DAAM1: variants seen among roughly 807,000 people sequenced by gnomAD.
DAAM1 encodes dishevelled associated activator of morphogenesis 1.
DAAM1 carries 52 observed loss-of-function variants against 130.0 expected under a neutral mutation model. The observed-to-expected ratio is 0.40, with a 90% CI of 0.32 to 0.50. The LOEUF (loss-of-function observed/expected upper bound fraction) is 0.50, where lower values mean the gene tolerates loss of function less well. Among genes scored for constraint, DAAM1 ranks in the 20% least tolerant of loss-of-function variants. DAAM1 has a pLI of 0.61. For missense variants in DAAM1, 1,134 were observed against 1,303.8 expected (o/e 0.87, Z 2.01); for synonymous variants, 452 against 444.5 (o/e 1.02, Z -0.21).
intron 1 of DAAM1, among the ~76,000 whole-genome samples, chr14:59,247,488 C>CGTAACAATA: frequency 6.6e-6 from 1 of 152,220 alleles, no homozygotes; most frequent in Middle Eastern, 3.4e-3. Flanking sequence ...GTGTTGTCAT[C>CGTAACAATA]GTAACAATAT....
intron 2 of DAAM1, among the ~76,000 whole-genome samples, chr14:59,281,834 T>C (rs370485320): frequency 5.3e-5 from 8 of 152,272 alleles, no homozygotes; most frequent in African/African-American, 1.9e-4. Flanking sequence ...TTCAGCCATA[T>C]TATGAAATCA....
chr14:59,354,115 C>T (rs1334864371), intron 19 of DAAM1, 151 bp downstream of exon 19: 11 of 711,894 alleles, frequency 1.5e-5, no homozygotes, highest in Admixed American at 5.5e-5. Context: ...GGCTGGAGTG[C>T]AGTAGCGCGA....
intron 1 of DAAM1, among the ~76,000 whole-genome samples, chr14:59,247,153 C>T (rs61986028): frequency 0.065 from 9,962 of 152,138 alleles, 402 homozygotes; most frequent in Non-Finnish European, 0.094. Context: ...AGACCCCTTT[C>T]GCCATTAAAT....
At chr14:59,363,611 T>C (rs1393150825) in intron 22 of DAAM1, 40 bp from the exon 23 acceptor site, 5 of 1,612,974 alleles carry the variant, frequency 3.1e-6, no homozygotes, top group African/African-American at 2.7e-5. Flanking sequence ...ATGTCTGTAT[T>C]TGAAGCCTGC....
At chr14:59,347,750 AG>A (rs1886138530) in intron 17 of DAAM1, 127 bp downstream of exon 17, 2 of 833,078 alleles carry the variant, frequency 2.4e-6, no homozygotes, top group Non-Finnish European at 3.9e-6. Context: ...GGCTGAACCA[AG>A]TTCCCATGTG....
At position 59,370,834 on chromosome 14, in the gene DAAM1, C is replaced by G. The variant is rs1887139830; in HGVS notation, c.*1975C>G. 6.6e-6 allele frequency: 1 copy of G among 152,070 alleles called. No individual in the cohort carries two copies. Among genetic ancestry groups the G allele is most frequent in the Admixed American group, 6.6e-5 (1 of 15,260 alleles). The allele number at this position is 152,070 out of a possible 1,614,324, so 9.4% of individuals were successfully genotyped here. A position where few individuals can be genotyped will look rare whatever the true frequency, so the allele number is the denominator to read the frequency against. On this transcript the variant is annotated 3_prime_UTR_variant, in exon 25 of 25. Coordinates refer to ENST00000360909, the MANE Select transcript of DAAM1 (RefSeq NM_001270520.2). ...TAACTAAAGTGCCTCTATGTATATT[C>G]TTTTCTATTTGTAGCAGGATAAATT...
chr14:59,265,510 A>G (rs1229044880), intron 2 of DAAM1: 1 of 152,222 alleles, frequency 6.6e-6, no homozygotes, highest in Admixed American at 6.5e-5. Flanking sequence ...CAAAAGAATA[A>G]TCACAAATTA....
Position 59,331,918 on chromosome 14 carries a change from C to T in DAAM1, c.1966C>T (p.Gln656Ter), listed in dbSNP as rs1416510293. ...ERTFSAYQRQ[Q>*]KEADAIDDTL... ...AACCTTCTCTGCCTATCAAAGACAG[C>T]AGGTAACAGCATATGCCCTCCAGAC... is the stretch of plus-strand genomic sequence containing the variant. Residue 656 changes from glutamine (Q) to a stop codon, truncating the protein, a stop_gained and splice_region_variant, in exon 15 of 25, where the codon CAG (glutamine) becomes TAG (stop). Coordinates refer to ENST00000360909, the MANE Select transcript of DAAM1 (RefSeq NM_001270520.2). LOFTEE classifies it high-confidence loss of function. The T allele has an allele frequency of 1.2e-6, 2 of 1,612,774 alleles. No homozygotes were observed. The highest frequency in any genetic ancestry group is 8.5e-7 in the Non-Finnish European group (1 of 1,179,166).
At chr14:59,291,167 C>T (rs191414502) in intron 2 of DAAM1, 50 bp from the exon 3 acceptor site, 55 of 1,446,432 alleles carry the variant, frequency 3.8e-5, no homozygotes, top group Admixed American at 2.2e-4. Flanking sequence ...ACGTTCTCTA[C>T]AGGAATAATG....
At chr14:59,326,177 C>A in intron 10 of DAAM1, 100 bp downstream of exon 10, 1 of 1,124,808 alleles carries the variant, frequency 8.9e-7, no homozygotes. Flanking sequence ...GGGTGCACAC[C>A]AGGGATTCCA....
At chr14:59,222,051 A>T (rs1232668283) in intron 1 of DAAM1, among the ~76,000 whole-genome samples, 1 of 152,196 alleles carries the variant, frequency 6.6e-6, no homozygotes, top group African/African-American at 2.4e-5. Context: ...CCTTGCTCCA[A>T]GCCCTGCAAG....
At chr14:59,206,168 A>T (rs1157712527) in intron 1 of DAAM1, among the ~76,000 whole-genome samples, 3 of 152,098 alleles carry the variant, frequency 2.0e-5, no homozygotes, top group Non-Finnish European at 4.4e-5. Context: ...AAAGTGTTCT[A>T]AACTATGTGC....
At chr14:59,366,974 C>A (rs1036649786) in intron 23 of DAAM1, among the ~76,000 whole-genome samples, 1 of 150,928 alleles carries the variant, frequency 6.6e-6, no homozygotes, top group Admixed American at 6.6e-5. Context: ...CATGTAAGAC[C>A]CCATCTCTTA....
chr14:59,371,288 T>C lies in DAAM1; in HGVS notation c.*2429T>C, dbSNP rs1423451123. The C allele has an allele frequency of 2.0e-5, 3 of 152,078 alleles. No individual in the cohort carries two copies. The highest frequency in any genetic ancestry group is 2.9e-5 in the Non-Finnish European group (2 of 68,006). 9.4% of individuals were successfully genotyped at this position (152,078 alleles called of 1,614,324 possible). ...CTTAGTAGTTGGAACCACTTAGTCT[T>C]TAGGTGCAAGACTGTTGTTAGATAG... On this transcript the variant is annotated 3_prime_UTR_variant, in exon 25 of 25. Coordinates refer to ENST00000360909, the MANE Select transcript of DAAM1 (RefSeq NM_001270520.2).
At position 59,370,386 on chromosome 14, in the gene DAAM1, G is replaced by C. The variant is rs1483572387; in HGVS notation, c.*1527G>C. On this transcript the variant is annotated 3_prime_UTR_variant, in exon 25 of 25. Transcript: ENST00000360909. Reference sequence around the variant, plus strand: ...TAGGGCTACAATGGTAAGCAAGACAGAGTCCCTGCCCCCAAAGAGCTTATA... The same window carrying C: ...TAGGGCTACAATGGTAAGCAAGACACAGTCCCTGCCCCCAAAGAGCTTATA... 6.6e-6 allele frequency: 1 copy of C among 152,002 alleles called. No homozygotes were observed. Among genetic ancestry groups the C allele is most frequent in the African/African-American group, 2.4e-5 (1 of 41,400 alleles). The allele number at this position is 152,002 out of a possible 1,614,324, so 9.4% of individuals were successfully genotyped here.
chr14:59,313,365 A>C (rs547577836), intron 3 of DAAM1, among the ~76,000 whole-genome samples: 1 of 152,264 alleles, frequency 6.6e-6, no homozygotes, highest in African/African-American at 2.4e-5. Context: ...AGGCATGTGA[A>C]ATGAAAATGA....
At chr14:59,362,361 G>T (rs1273306877) in intron 22 of DAAM1, 4 of 152,040 alleles carry the variant, frequency 2.6e-5, no homozygotes, top group Admixed American at 6.5e-5. Context: ...GCAGAGCTTC[G>T]CCTGGCCAAA....
intron 1 of DAAM1, among the ~76,000 whole-genome samples, chr14:59,197,025 A>G (rs950987171): frequency 1.1e-4 from 17 of 151,916 alleles, no homozygotes; most frequent in Non-Finnish European, 2.2e-4. Flanking sequence ...GGTTCCCGCC[A>G]TTCTCCTGCC....
intron 16 of DAAM1, among the ~76,000 whole-genome samples, chr14:59,340,788 C>T (rs1198633183): frequency 6.6e-6 from 1 of 152,152 alleles, no homozygotes; most frequent in Non-Finnish European, 1.5e-5. Context: ...ATTGCAACTT[C>T]GGGCAATGTT....
Sources: allele counts gnomAD v4.1 joint callset (sites outside exome capture counted in the v4.1 genomes callset), GRCh38; gene constraint gnomAD v4.1.1; transcripts MANE v1.5; gene names NCBI Gene and HGNC (gene_info 2026-07-23, HGNC 2026-07-21).